SLC25A13: variants seen among roughly 807,000 people sequenced by gnomAD.
The protein encoded by SLC25A13 is solute carrier family 25 member 13.
Under a neutral mutation model 85.5 loss-of-function variants are expected in SLC25A13, and 70 were observed. The observed-to-expected ratio is 0.82, with a 90% confidence interval of 0.68 to 1.00. SLC25A13 has a LOEUF of 1.00. SLC25A13 is among the 50% of genes least tolerant of loss of function. SLC25A13 has a pLI of 0.00. For synonymous variants in SLC25A13, 259 were observed against 288.7 expected (o/e 0.90, Z 1.04); for missense variants, 765 against 819.8 (o/e 0.93, Z 0.82).
intron 11 of SLC25A13, 75 bp downstream of exon 11, chr7:96,184,202 T>C (rs1794532579): frequency 6.5e-7 from 1 of 1,541,444 alleles, no homozygotes; most frequent in Non-Finnish European, 9.0e-7. Flanking sequence ...TGCTAATTCA[T>C]GTCAGGCACT....
intron 4 of SLC25A13, among the ~76,000 whole-genome samples, chr7:96,229,788 G>A (rs1260356431): frequency 1.3e-5 from 2 of 152,086 alleles, no homozygotes; most frequent in Non-Finnish European, 1.5e-5. Flanking sequence ...CCAGAAGGAA[G>A]AAACTCCGAA....
intron 1 of SLC25A13, among the ~76,000 whole-genome samples, chr7:96,315,980 T>C (rs1800112207): frequency 1.3e-5 from 2 of 151,840 alleles, no homozygotes; most frequent in South Asian, 4.1e-4. Flanking sequence ...TTTAATTAGC[T>C]GGGTGTGGTG....
intron 4 of SLC25A13, among the ~76,000 whole-genome samples, chr7:96,230,338 A>G (rs1796495149): frequency 6.6e-6 from 1 of 152,224 alleles, no homozygotes; most frequent in Admixed American, 6.5e-5. Flanking sequence ...AGTGACTGGG[A>G]TGAGACCTCT....
chr7:96,253,704 T>C (rs1797521238), intron 3 of SLC25A13, among the ~76,000 whole-genome samples: 1 of 152,108 alleles, frequency 6.6e-6, no homozygotes. Context: ...GTGCAGGGAA[T>C]GCAGAACATA....
chr7:96,158,734 C>T (rs778398374), intron 13 of SLC25A13, among the ~76,000 whole-genome samples: 3 of 152,140 alleles, frequency 2.0e-5, no homozygotes, highest in African/African-American at 4.8e-5. Flanking sequence ...GACACAAACA[C>T]AATTGTAACT....
intron 13 of SLC25A13, among the ~76,000 whole-genome samples, chr7:96,156,030 A>G (rs527787745): frequency 6.6e-6 from 1 of 152,314 alleles, no homozygotes; most frequent in East Asian, 1.9e-4. Context: ...TTCCTGTTTG[A>G]ACGGAGTAGC....
chr7:96,129,875 T>A (rs1428154236), intron 15 of SLC25A13, among the ~76,000 whole-genome samples: 1 of 152,190 alleles, frequency 6.6e-6, no homozygotes, highest in Non-Finnish European at 1.5e-5. Flanking sequence ...TGGGTAACAA[T>A]GCTTAAGACA....
At chr7:96,190,155 G>A (rs1794789292) in intron 7 of SLC25A13, among the ~76,000 whole-genome samples, 1 of 150,688 alleles carries the variant, frequency 6.6e-6, no homozygotes, top group African/African-American at 2.5e-5. Flanking sequence ...TGCAATCTCG[G>A]TTCACTACAA....
rs369046904 is a variant in SLC25A13 at position 96,284,787 on chromosome 7, C to T, written c.70-7449G>A. On this transcript the variant is annotated intron_variant, in intron 2 of 17. Coordinates refer to ENST00000265631, the MANE Select transcript of SLC25A13 (RefSeq NM_014251.3). ...ATAAGACGAGAATTTGTTTCTCATT[C>T]GCCTTCCACCATGATTGTGAGGCCT... is the stretch of plus-strand genomic sequence containing the variant. Among the ~76,000 whole-genome samples, 8 of 152,326 alleles carry T rather than the reference C, an allele frequency of 5.3e-5. No individual in the cohort carries two copies. In the East Asian group the frequency reaches 9.6e-4, roughly 18 times the overall value.
intron 2 of SLC25A13, among the ~76,000 whole-genome samples, chr7:96,280,334 C>T (rs1316584794): frequency 4.6e-5 from 7 of 151,934 alleles, no homozygotes; most frequent in African/African-American, 1.7e-4. Flanking sequence ...TTTTTTTGGC[C>T]ATGATCACTC....
intron 14 of SLC25A13, among the ~76,000 whole-genome samples, chr7:96,140,777 C>T (rs1465492682): frequency 1.3e-5 from 2 of 149,724 alleles, no homozygotes; most frequent in Non-Finnish European, 3.0e-5. Context: ...TTGCTAATAG[C>T]TATCCTAACA....
At position 96,322,001 on chromosome 7, in the gene SLC25A13, G is replaced by C. The variant is rs1016804779; in HGVS notation, c.-45C>G. The stretch of plus-strand genomic sequence containing the variant: ...CGACTGCGGGACCCACTGACTGGCT[G>C]GCTGGCGTTTGGGACCCGGGCGGCT... On this transcript the variant is annotated 5_prime_UTR_variant, in exon 1 of 18. Coordinates refer to ENST00000265631, the MANE Select transcript of SLC25A13 (RefSeq NM_014251.3). The C allele has an allele frequency of 6.5e-7, 1 of 1,533,568 alleles. No homozygotes were observed. Among genetic ancestry groups the C allele is most frequent in the African/African-American group, 1.4e-5 (1 of 70,132 alleles). 95.0% of individuals were successfully genotyped at this position (1,533,568 alleles called of 1,614,324 possible). A position where few individuals can be genotyped will look rare whatever the true frequency, so the allele number is the denominator to read the frequency against.
At chr7:96,274,242 A>G (rs1798356684) in intron 3 of SLC25A13, among the ~76,000 whole-genome samples, 1 of 150,862 alleles carries the variant, frequency 6.6e-6, no homozygotes, top group Non-Finnish European at 1.5e-5. Flanking sequence ...TATGATTTGC[A>G]TTTCTCTGAT....
chr7:96,321,908 G>A (rs1800363059), intron 1 of SLC25A13, 34 bp downstream of exon 1: 1 of 1,526,212 alleles, frequency 6.6e-7, no homozygotes, highest in Non-Finnish European at 8.8e-7. Context: ...TGATCCGGCA[G>A]GCGCGCTCCC....
chr7:96,146,546 A>AC lies in SLC25A13; in HGVS notation c.1452+9_1452+10insG, dbSNP rs771592795. On this transcript the variant is annotated intron_variant, in intron 14 of 17. Coordinates refer to ENST00000265631, the MANE Select transcript of SLC25A13 (RefSeq NM_014251.3). ...AATCAAATAAATGACTAAAAAAAAA[A>AC]AAAAGTTACCTTGTAGATCCCAAAA... is the stretch of plus-strand genomic sequence containing the variant. 3.1e-6 allele frequency: 5 copies of AC among 1,611,978 alleles called. No individual in the cohort carries two copies. In the South Asian group the frequency reaches 4.4e-5, roughly 14 times the overall value.
chr7:96,202,593 C>G (rs1795300914), intron 5 of SLC25A13, among the ~76,000 whole-genome samples: 1 of 152,078 alleles, frequency 6.6e-6, no homozygotes, highest in Non-Finnish European at 1.5e-5. Flanking sequence ...GCTGGATGAC[C>G]CCTGGAAACA....
chr7:96,283,397 T>A (rs1325853416), intron 2 of SLC25A13: 2 of 387,462 alleles, frequency 5.2e-6, no homozygotes, highest in South Asian at 2.3e-5. Flanking sequence ...ACTCAATATA[T>A]GTTCTGTAGG....
intron 14 of SLC25A13, among the ~76,000 whole-genome samples, chr7:96,135,336 C>T (rs1457331638): frequency 6.6e-6 from 1 of 152,130 alleles, no homozygotes; most frequent in Non-Finnish European, 1.5e-5. Flanking sequence ...TCTTGCACCC[C>T]AGGCATCAAA....
At chr7:96,136,425 G>T (rs1403573951) in intron 14 of SLC25A13, among the ~76,000 whole-genome samples, 1 of 152,144 alleles carries the variant, frequency 6.6e-6, no homozygotes, top group African/African-American at 2.4e-5. Flanking sequence ...AGTTTATTTT[G>T]CCAGCTCTGC....
Sources: allele counts gnomAD v4.1 joint callset (sites outside exome capture counted in the v4.1 genomes callset), GRCh38; gene constraint gnomAD v4.1.1; transcripts MANE v1.5; gene names NCBI Gene and HGNC (gene_info 2026-07-23, HGNC 2026-07-21).